The following RIPOR2 variants were observed in gnomAD, a reference collection of about 807,000 sequenced individuals.
RIPOR2 encodes rho family-interacting cell polarization regulator 2.
Under a neutral mutation model 114.5 loss-of-function variants are expected in RIPOR2, and 39 were observed. That is an observed-to-expected ratio of 0.34 (90% CI 0.26 to 0.44). The LOEUF is 0.44. Among genes scored for constraint, RIPOR2 ranks in the 20% least tolerant of loss-of-function variants. The pLI is 1.00. For synonymous variants in RIPOR2, 445 were observed against 484.4 expected (o/e 0.92, Z 1.07); for missense variants, 1,007 against 1,255.1 (o/e 0.80, Z 2.99).
At position 24,848,134 on chromosome 6, in the gene RIPOR2, A is replaced by G; in HGVS notation, c.1055T>C (p.Met352Thr). The change falls in exon 12 of 22, where the codon ATG (methionine) becomes ACG (threonine). Residue 352 changes from methionine (M) to threonine (T), a missense_variant. Transcript: ENST00000643898. ...GTTCCCAGCGCCTGAGGATGCGGTC[A>G]TGTCCTCCACGTCAAATGGACTGCA... ...ITWYPFDVED[M>T]TASSGAGNKA... 3 of 1,613,648 alleles carry G rather than the reference A, an allele frequency of 1.9e-6. No individual in the cohort carries two copies. Among genetic ancestry groups the G allele is most frequent in the African/African-American group, 1.3e-5 (1 of 75,040 alleles).
intron 1 of RIPOR2, among the ~76,000 whole-genome samples, chr6:24,966,936 AG>A (rs1561813621): frequency 6.6e-6 from 1 of 152,228 alleles, no homozygotes; most frequent in Non-Finnish European, 1.5e-5. Flanking sequence ...AAGTCCTTCA[AG>A]GTGGTCTCAG....
At chr6:24,951,423 G>T (rs571909402) in intron 1 of RIPOR2, among the ~76,000 whole-genome samples, 1 of 152,276 alleles carries the variant, frequency 6.6e-6, no homozygotes, top group East Asian at 1.9e-4. Context: ...GGTGTTGTCT[G>T]CCAACTAATG....
chr6:24,905,825 T>C (rs764216971), intron 1 of RIPOR2, among the ~76,000 whole-genome samples: 5 of 152,172 alleles, frequency 3.3e-5, no homozygotes, highest in Non-Finnish European at 7.4e-5. Flanking sequence ...CTCTCCCCAC[T>C]TTCCTGCCCT....
intron 1 of RIPOR2, among the ~76,000 whole-genome samples, chr6:24,966,981 C>T (rs969881888): frequency 6.6e-6 from 1 of 152,196 alleles, no homozygotes; most frequent in Non-Finnish European, 1.5e-5. Flanking sequence ...TTCAAATCAA[C>T]CACTTTCTTT....
chr6:24,916,431 T>C (rs923141093), intron 1 of RIPOR2, among the ~76,000 whole-genome samples: 1 of 152,210 alleles, frequency 6.6e-6, no homozygotes, highest in Non-Finnish European at 1.5e-5. Context: ...AGGAACTATG[T>C]TTTGTGCTGC....
At chr6:24,879,717 G>A (rs1766172366) in intron 1 of RIPOR2, among the ~76,000 whole-genome samples, 2 of 152,136 alleles carry the variant, frequency 1.3e-5, no homozygotes, top group Non-Finnish European at 2.9e-5. Flanking sequence ...GTAGTTCTTC[G>A]CTACTATTCT....
intron 1 of RIPOR2, among the ~76,000 whole-genome samples, chr6:25,021,068 A>G (rs572454941): frequency 1.2e-4 from 19 of 152,296 alleles, no homozygotes; most frequent in Admixed American, 6.5e-4. Context: ...TGTGTTGGCC[A>G]GGCTGGTCTC....
intron 1 of RIPOR2, among the ~76,000 whole-genome samples, chr6:24,953,994 G>A (rs550639859): frequency 3.9e-4 from 60 of 152,324 alleles, no homozygotes; most frequent in African/African-American, 9.6e-4. Context: ...TGGGAAAGAA[G>A]GATATGCTTT....
intron 1 of RIPOR2, chr6:25,041,733 A>T: frequency 1.6e-6 from 1 of 616,444 alleles, no homozygotes. Flanking sequence ...AGGAAAGTGG[A>T]AGAGAGGAGG....
chr6:24,866,907 A>T (rs965457704), intron 6 of RIPOR2, among the ~76,000 whole-genome samples: 2 of 152,192 alleles, frequency 1.3e-5, no homozygotes, highest in Non-Finnish European at 2.9e-5. Flanking sequence ...GAAGGTGGAG[A>T]TGCATATACT....
At chr6:24,989,941 G>T (rs928224527) in intron 1 of RIPOR2, among the ~76,000 whole-genome samples, 1 of 151,944 alleles carries the variant, frequency 6.6e-6, no homozygotes, top group Non-Finnish European at 1.5e-5. Flanking sequence ...GAGGCAGGGA[G>T]AATTGCTTGA....
In RIPOR2 at chr6:25,025,458, T is replaced by C. The variant is rs1206452090; in HGVS notation, c.76+16393A>G. ...GACGAGGCTTTTTTAGGGTTAGAAG[T>C]GTAAAAGCAATAGGACCTTTAAAAA... On this transcript the variant is annotated intron_variant, in intron 1 of 13. Transcript: ENST00000510784. Among the ~76,000 whole-genome samples, 3 of 152,046 alleles carry C rather than the reference T, an allele frequency of 2.0e-5. No homozygotes were observed. In the East Asian group the frequency reaches 5.8e-4, roughly 29 times the overall value.
intron 1 of RIPOR2, among the ~76,000 whole-genome samples, chr6:24,880,995 G>T (rs963326610): frequency 2.0e-5 from 3 of 152,192 alleles, no homozygotes; most frequent in African/African-American, 7.2e-5. Context: ...TGTAATCCCA[G>T]CACTTTGGGA....
At chr6:24,970,654 A>G (rs1286895741) in intron 1 of RIPOR2, among the ~76,000 whole-genome samples, 1 of 152,146 alleles carries the variant, frequency 6.6e-6, no homozygotes, top group East Asian at 1.9e-4. Context: ...GAGTAGGGAG[A>G]AGAGAGACTG....
intron 1 of RIPOR2, among the ~76,000 whole-genome samples, chr6:25,018,030 A>G (rs1037961811): frequency 6.6e-6 from 1 of 152,220 alleles, no homozygotes; most frequent in African/African-American, 2.4e-5. Context: ...CAATTTCGTA[A>G]TATCACCTAG....
intron 19 of RIPOR2, among the ~76,000 whole-genome samples, chr6:24,819,560 C>T (rs1247300027): frequency 6.6e-6 from 1 of 150,988 alleles, no homozygotes; most frequent in Non-Finnish European, 1.5e-5. Flanking sequence ...GTGGCCCAGG[C>T]TGGAGTGCAG....
intron 1 of RIPOR2, among the ~76,000 whole-genome samples, chr6:25,016,638 G>A (rs1476501223): frequency 1.3e-5 from 2 of 152,168 alleles, no homozygotes; most frequent in African/African-American, 2.4e-5. Context: ...AGCGTCACAA[G>A]CAACACACAA....
chr6:24,874,416 A>C (rs1041952467), intron 2 of RIPOR2, among the ~76,000 whole-genome samples: 16 of 152,246 alleles, frequency 1.1e-4, no homozygotes, highest in African/African-American at 3.9e-4. Flanking sequence ...TGACCAAGAA[A>C]TGTCTTTGTA....
At chr6:24,848,907 G>A (rs1378820261) in intron 11 of RIPOR2, among the ~76,000 whole-genome samples, 1 of 152,094 alleles carries the variant, frequency 6.6e-6, no homozygotes, top group Non-Finnish European at 1.5e-5. Flanking sequence ...ACTACTAGTG[G>A]TTTTTGTTTT....
Sources: allele counts gnomAD v4.1 joint callset (sites outside exome capture counted in the v4.1 genomes callset), GRCh38; gene constraint gnomAD v4.1.1; transcripts MANE v1.5; gene names NCBI Gene and HGNC (gene_info 2026-07-23, HGNC 2026-07-21).